The following RAD51B variants were observed in gnomAD, a reference collection of about 807,000 sequenced individuals.
RAD51B encodes the protein DNA repair protein RAD51 homolog 2.
In RAD51B, 38 loss-of-function variants were observed where a neutral mutation model predicts 42.2. The observed-to-expected ratio is 0.90, with a 90% CI of 0.70 to 1.18. RAD51B has a LOEUF of 1.18. Among genes scored for constraint, RAD51B ranks in the 50% most tolerant of loss-of-function variants. RAD51B has a pLI of 0.00. For synonymous variants in RAD51B, 154 were observed against 145.2 expected (o/e 1.06, Z -0.43); for missense variants, 373 against 400.7 (o/e 0.93, Z 0.59).
intron 4 of RAD51B, among the ~76,000 whole-genome samples, chr14:67,845,201 G>T (rs1289320524): frequency 1.3e-5 from 2 of 152,196 alleles, no homozygotes; most frequent in Admixed American, 6.5e-5. Context: ...AGTGGCAATG[G>T]TCTATGTACT....
chr14:68,227,555 G>A (rs1425571182), intron 7 of RAD51B, among the ~76,000 whole-genome samples: 1 of 152,146 alleles, frequency 6.6e-6, no homozygotes, highest in Non-Finnish European at 1.5e-5. Flanking sequence ...CACTCAATAA[G>A]TTTTAGCAAT....
intron 7 of RAD51B, among the ~76,000 whole-genome samples, chr14:68,123,417 C>T (rs1308649214): frequency 6.6e-6 from 1 of 152,058 alleles, no homozygotes; most frequent in African/African-American, 2.4e-5. Context: ...GTCTTGAATT[C>T]CTGGGCTCAA....
intron 8 of RAD51B, among the ~76,000 whole-genome samples, chr14:68,400,360 C>T (rs967229492): frequency 1.3e-5 from 2 of 152,212 alleles, no homozygotes; most frequent in Admixed American, 6.5e-5. Flanking sequence ...TCTCCAAAGG[C>T]AGCTGGCTGA....
At chr14:68,338,505 G>C (rs1467662711) in intron 8 of RAD51B, among the ~76,000 whole-genome samples, 1 of 152,184 alleles carries the variant, frequency 6.6e-6, no homozygotes, top group Non-Finnish European at 1.5e-5. Context: ...TCCTGAGAGA[G>C]GATCTGATCA....
intron 7 of RAD51B, among the ~76,000 whole-genome samples, chr14:68,258,616 G>GGTGT (rs146046623): frequency 1.3e-5 from 2 of 151,708 alleles, no homozygotes; most frequent in Admixed American, 1.3e-4. Context: ...AATAAAATGG[G>GGTGT]GTGTGTGTGT....
At chr14:68,067,825 G>C (rs28457628) in intron 7 of RAD51B, among the ~76,000 whole-genome samples, 1,629 of 150,784 alleles carry the variant, frequency 0.011, 35 homozygotes, top group African/African-American at 0.038. Flanking sequence ...CTAGCTACTA[G>C]GGAGGCTGAG....
intron 10 of RAD51B, among the ~76,000 whole-genome samples, chr14:68,636,398 C>T (rs1001773545): frequency 9.9e-5 from 15 of 152,040 alleles, no homozygotes; most frequent in East Asian, 3.9e-4. Context: ...GCCTGGCCAA[C>T]ATGGTGAAAC....
intron 7 of RAD51B, among the ~76,000 whole-genome samples, chr14:67,943,852 C>T (rs1010578381): frequency 1.3e-5 from 2 of 151,870 alleles, no homozygotes; most frequent in Admixed American, 6.6e-5. Context: ...GGAAAGAAAG[C>T]GGGTAAAATT....
At chr14:67,939,740 C>T (rs2140176580) in intron 7 of RAD51B, among the ~76,000 whole-genome samples, 1 of 152,064 alleles carries the variant, frequency 6.6e-6, no homozygotes, top group Non-Finnish European at 1.5e-5. Context: ...CTTCACATGG[C>T]TGTTCCCATC....
intron 10 of RAD51B, chr14:68,562,559 A>T: frequency 1.0e-6 from 1 of 985,212 alleles, no homozygotes; most frequent in Non-Finnish European, 1.2e-6. Context: ...TGGCAAACTA[A>T]CTCCTTTTGT....
At chr14:68,079,878 TCTC>T (rs1194164128) in intron 7 of RAD51B, among the ~76,000 whole-genome samples, 9 of 152,208 alleles carry the variant, frequency 5.9e-5, no homozygotes, top group African/African-American at 2.2e-4. Context: ...AACATACAAA[TCTC>T]CTGGAAGTCA....
At chr14:67,908,788 A>G (rs1380075598) in intron 7 of RAD51B, 1 of 152,194 alleles carries the variant, frequency 6.6e-6, no homozygotes, top group East Asian at 1.9e-4. Flanking sequence ...GGGAATACAA[A>G]GGTAAATAAG....
chr14:67,849,313 C>T (rs1223009061), intron 4 of RAD51B, among the ~76,000 whole-genome samples: 5 of 151,726 alleles, frequency 3.3e-5, no homozygotes, highest in African/African-American at 1.2e-4. Context: ...TGGAGTTTTG[C>T]TCTTGTTGCC....
At chr14:68,579,635 T>C (rs1890122823) in intron 10 of RAD51B, among the ~76,000 whole-genome samples, 1 of 152,108 alleles carries the variant, frequency 6.6e-6, no homozygotes, top group Admixed American at 6.6e-5. Context: ...TGTTGGGTGG[T>C]CTATATTTTA....
chr14:68,205,596 G>A (rs1053365399), intron 7 of RAD51B, among the ~76,000 whole-genome samples: 4 of 151,350 alleles, frequency 2.6e-5, no homozygotes, highest in African/African-American at 9.7e-5. Flanking sequence ...TTTTTGTGTT[G>A]TTTTCTTTTC....
At chr14:68,182,746 G>A (rs1042189487) in intron 7 of RAD51B, among the ~76,000 whole-genome samples, 4 of 152,276 alleles carry the variant, frequency 2.6e-5, no homozygotes, top group South Asian at 2.1e-4. Flanking sequence ...TTCACCTTCC[G>A]GGGAAAATGT....
chr14:68,427,106 T>C (rs1241402863), intron 9 of RAD51B, among the ~76,000 whole-genome samples: 3 of 152,238 alleles, frequency 2.0e-5, no homozygotes, highest in Admixed American at 1.3e-4. Flanking sequence ...TCTTAGGCCA[T>C]GGTAGCCTCC....
intron 7 of RAD51B, among the ~76,000 whole-genome samples, chr14:68,124,361 G>T (rs903100199): frequency 2.0e-5 from 3 of 152,204 alleles, no homozygotes; most frequent in Non-Finnish European, 4.4e-5. Context: ...CTTATTCAGA[G>T]AGTGGCAGAT....
chr14:68,633,078 C>T, intron 10 of RAD51B, among the ~76,000 whole-genome samples: 1 of 131,414 alleles, frequency 7.6e-6, no homozygotes, highest in Non-Finnish European at 1.5e-5. Context: ...CTTGGCCTCC[C>T]AAAGTGCTGA....
Sources: allele counts gnomAD v4.1 joint callset (sites outside exome capture counted in the v4.1 genomes callset), GRCh38; gene constraint gnomAD v4.1.1; transcripts MANE v1.5; gene names NCBI Gene and HGNC (gene_info 2026-07-23, HGNC 2026-07-21).